The following PLXNA2 variants were observed in gnomAD, a reference collection of about 807,000 sequenced individuals.
PLXNA2 encodes the protein plexin-A2.
PLXNA2 carries 91 observed loss-of-function variants against 193.5 expected under a neutral mutation model. That is an observed-to-expected ratio of 0.47 (90% CI 0.40 to 0.56). PLXNA2 has a LOEUF of 0.56. Among genes scored for constraint, PLXNA2 ranks in the 20% least tolerant of loss-of-function variants. The probability of loss-of-function intolerance (pLI) is 0.00; values close to 1 mark genes in which losing one functional copy is unlikely to be tolerated. For missense variants in PLXNA2, 1,995 were observed against 2,503.2 expected, an observed-to-expected ratio of 0.80 and a Z score of 4.33; for synonymous variants, 997 against 1,027.3, an observed-to-expected ratio of 0.97 and a Z score of 0.56.
chr1:208,201,973 A>ATTTTTTTTTTTTTTTTTTTTT (rs59313982), intron 3 of PLXNA2, among the ~76,000 whole-genome samples: 2 of 132,626 alleles, frequency 1.5e-5, no homozygotes, highest in African/African-American at 2.9e-5. Flanking sequence ...CAGGGCAAGA[A>ATTTTTTTTTTTTTTTTTTTTT]TTTTTTTTTT....
intron 12 of PLXNA2, among the ~76,000 whole-genome samples, chr1:208,069,189 C>G (rs1441036282): frequency 6.6e-6 from 1 of 152,136 alleles, no homozygotes; most frequent in Admixed American, 6.5e-5. Flanking sequence ...GCACATATGA[C>G]GATGGCAGGG....
intron 3 of PLXNA2, among the ~76,000 whole-genome samples, chr1:208,166,102 G>A (rs1669297053): frequency 6.6e-6 from 1 of 152,112 alleles, no homozygotes. Flanking sequence ...AAATCATAAG[G>A]GCAGATTATG....
intron 20 of PLXNA2, 46 bp from the exon 21 acceptor site, chr1:208,043,249 G>A (rs200974332): frequency 1.1e-5 from 17 of 1,595,574 alleles, no homozygotes; most frequent in Middle Eastern, 1.7e-4. Flanking sequence ...AGCCCCAGTC[G>A]GGGGAGGAGA....
intron 13 of PLXNA2, among the ~76,000 whole-genome samples, chr1:208,058,303 GC>G (rs1399308795): frequency 3.9e-5 from 6 of 152,198 alleles, no homozygotes; most frequent in Non-Finnish European, 1.5e-5. Context: ...GAATCATCCA[GC>G]CCTCCACAGA....
intron 3 of PLXNA2, among the ~76,000 whole-genome samples, chr1:208,166,703 G>A (rs557466218): frequency 2.6e-4 from 40 of 152,300 alleles, no homozygotes; most frequent in African/African-American, 8.9e-4. Flanking sequence ...AATGAAAACC[G>A]CAAAGAACAC....
rs1671140465 is a variant in PLXNA2, at chr1:208,216,732, T to C, written c.1188+3A>G. ...GAGCAGAGCGAGGTGTGTGCCTCCTTACCGCCTTGGTGCACTGGACGTCCT... is the reference window on the plus strand; with the variant it reads ...GAGCAGAGCGAGGTGTGTGCCTCCTCACCGCCTTGGTGCACTGGACGTCCT... On this transcript the variant is annotated splice_donor_region_variant and intron_variant, in intron 2 of 31. Transcript: ENST00000367033. 1.2e-6 allele frequency: 2 copies of C among 1,609,940 alleles called. No individual in the cohort carries two copies. Among genetic ancestry groups the C allele is most frequent in the South Asian group, 2.2e-5 (2 of 90,678 alleles).
intron 3 of PLXNA2, among the ~76,000 whole-genome samples, chr1:208,194,485 GAA>G (rs11358576): frequency 3.1e-5 from 4 of 128,806 alleles, no homozygotes; most frequent in African/African-American, 5.8e-5. Flanking sequence ...AAAAAAGAAA[GAA>G]AAAAAAAACA....
At position 208,038,506 on chromosome 1, in the gene PLXNA2, TGA is replaced by T. The variant is rs774239655; in HGVS notation, c.4661-34_4661-33del. 2.7e-5 allele frequency: 40 copies of T among 1,507,306 alleles called. No individual in the cohort carries two copies. The East Asian group carries it at 7.4e-4, about 28-fold the overall frequency. The allele number at this position is 1,507,306 out of a possible 1,614,324, so 93.4% of individuals were successfully genotyped here. ...GGAGGGGGTGGTGCAGGGAGCGGCGTGAGAGGGATGAGGGCTGTGAGCCAGTG... is the reference window on the plus strand; with the variant it reads ...GGAGGGGGTGGTGCAGGGAGCGGCGTGAGGGATGAGGGCTGTGAGCCAGTG... On this transcript the variant is annotated intron_variant, in intron 25 of 31. Coordinates refer to ENST00000367033, the MANE Select transcript of PLXNA2 (RefSeq NM_025179.4). The surrounding 1 kb of genome is among the most constrained non-coding windows in gnomAD (Gnocchi z 4.1).
intron 3 of PLXNA2, among the ~76,000 whole-genome samples, chr1:208,183,582 C>G (rs1053594550): frequency 8.4e-6 from 1 of 118,816 alleles, no homozygotes; most frequent in Non-Finnish European, 1.6e-5. Flanking sequence ...AGACGAGAAG[C>G]CAGAGCCAGG....
intron 17 of PLXNA2, among the ~76,000 whole-genome samples, chr1:208,048,584 G>A (rs1017688646): frequency 7.9e-5 from 12 of 152,168 alleles, no homozygotes; most frequent in African/African-American, 1.7e-4. Flanking sequence ...TGGAGGAAGC[G>A]CTGAGAACAT....
At chr1:208,074,379 A>T (rs779568457) in intron 12 of PLXNA2, among the ~76,000 whole-genome samples, 1 of 152,182 alleles carries the variant, frequency 6.6e-6, no homozygotes, top group Non-Finnish European at 1.5e-5. Flanking sequence ...ACCCACGATG[A>T]CAGCTGGAAA....
At chr1:208,169,038 C>CTT (rs1165228341) in intron 3 of PLXNA2, among the ~76,000 whole-genome samples, 1 of 152,090 alleles carries the variant, frequency 6.6e-6, no homozygotes, top group South Asian at 2.1e-4. Flanking sequence ...GGCTTGCACT[C>CTT]TTTTTCATGA....
chr1:208,131,313 C>A (rs1664230), intron 4 of PLXNA2, among the ~76,000 whole-genome samples: 145,338 of 152,258 alleles, frequency 0.95, 69,735 homozygotes, highest in East Asian at 1. Flanking sequence ...CAGTGGATGG[C>A]AGTAACTTTT....
At chr1:208,150,569 G>T (rs1322020788) in intron 3 of PLXNA2, among the ~76,000 whole-genome samples, 2 of 152,150 alleles carry the variant, frequency 1.3e-5, no homozygotes, top group Non-Finnish European at 2.9e-5. Flanking sequence ...TATGAGTAAG[G>T]TCAGCGTTCA....
At position 208,103,243 on chromosome 1, in the gene PLXNA2, G is replaced by A; in HGVS notation, c.1511C>T (p.Thr504Ile). 3 of 1,613,232 alleles carry A rather than the reference G, an allele frequency of 1.9e-6. No homozygotes were observed. The highest frequency in any genetic ancestry group is 1.7e-5 in the Admixed American group (1 of 59,962). The change falls in exon 5 of 32, where the codon ACC (threonine) becomes ATC (isoleucine). Residue 504 changes from threonine to isoleucine, a missense_variant. Thr to Ile is a moderately conservative substitution (Grantham distance 89). This residue lies in a region of PLXNA2 where 702 missense variants were observed against 812.9 expected (regional missense o/e 0.86). Transcript: ENST00000367033. Reference protein sequence around the residue: ...YLYVMSERQVTRVPVESCEQY... With the variant: ...YLYVMSERQVIRVPVESCEQY... ...CTCACATGACTCCACGGGGACCCTG[G>A]TGACCTGGCAGAGAGAGCAAAGAGG... is the stretch of plus-strand genomic sequence containing the variant.
intron 3 of PLXNA2, among the ~76,000 whole-genome samples, chr1:208,145,672 TATC>T (rs561663381): frequency 7.3e-4 from 111 of 152,282 alleles, no homozygotes; most frequent in African/African-American, 2.1e-3. Flanking sequence ...AAAGACAACT[TATC>T]ATCACATTGT....
intron 3 of PLXNA2, among the ~76,000 whole-genome samples, chr1:208,181,985 TACAA>T (rs752185322): frequency 6.1e-4 from 93 of 152,304 alleles, no homozygotes; most frequent in Non-Finnish European, 1.0e-3. Flanking sequence ...CTAGCTGCTA[TACAA>T]ACAAAGGCAA....
At chr1:208,125,733 T>A (rs559901206) in intron 4 of PLXNA2, among the ~76,000 whole-genome samples, 1 of 152,332 alleles carries the variant, frequency 6.6e-6, no homozygotes, top group African/African-American at 2.4e-5. Context: ...CTATTAAAAT[T>A]ATTTTCTCAA....
intron 4 of PLXNA2, among the ~76,000 whole-genome samples, chr1:208,139,973 CA>C (rs1030381214): frequency 4.6e-5 from 7 of 152,216 alleles, no homozygotes; most frequent in Non-Finnish European, 8.8e-5. Context: ...CTCGTAATCA[CA>C]GCTCCATCTG....
Sources: gnomAD v4.1 joint callset for allele counts (sites outside exome capture counted in the v4.1 genomes callset) on GRCh38, gnomAD v4.1.1 for gene constraint, gnomAD v4.1.1 regional missense constraint, Gnocchi (gnomAD v3.1) non-coding constraint, MANE v1.5 for transcripts, NCBI Gene and HGNC (gene_info 2026-07-23, HGNC 2026-07-21) for gene names.